Variants in SYNDIG1L observed in about 807,000 individuals in gnomAD.
The protein encoded by SYNDIG1L is synapse differentiation-inducing gene protein 1-like.
Under a neutral mutation model 20.1 loss-of-function variants are expected in SYNDIG1L, and 13 were observed. The observed-to-expected ratio is 0.65, with a 90% CI of 0.42 to 1.03. The LOEUF (loss-of-function observed/expected upper bound fraction) is 1.03, where lower values mean the gene tolerates loss of function less well. Ranked by LOEUF, SYNDIG1L falls within the 50% of genes least tolerant of loss-of-function variation. The pLI, the probability that SYNDIG1L is intolerant of heterozygous loss-of-function variation, is 0.00. For missense variants in SYNDIG1L, 294 were observed against 305.1 expected (o/e 0.96, Z 0.27); for synonymous variants, 128 against 129.3 (o/e 0.99, Z 0.07).
At chr14:74,460,169 G>A in the SYNDIG1L span, among the ~76,000 whole-genome samples, 5 of 152,162 alleles carry the variant, frequency 3.3e-5, no homozygotes, top group South Asian at 4.2e-4. Context: ...GGCAGACTCC[G>A]GATCAGCAAG....
rs1216614459 is a variant in SYNDIG1L at position 74,407,508 on chromosome 14, G to C, written c.*27C>G. The C allele has an allele frequency of 6.2e-7, 1 of 1,612,564 alleles. No homozygotes were observed. The highest frequency in any genetic ancestry group is 2.2e-5 in the East Asian group (1 of 44,882). On this transcript the variant is annotated 3_prime_UTR_variant, in exon 4 of 4. Coordinates refer to ENST00000331628, the MANE Select transcript of SYNDIG1L (RefSeq NM_001105579.2). ...CCACTGCTTCCTCAGGTGGGCAGGG[G>C]AGTCAGGATGCAGGCCCTACTGGCT...
At chr14:74,452,983 G>C in the SYNDIG1L span, among the ~76,000 whole-genome samples, 3 of 152,154 alleles carry the variant, frequency 2.0e-5, no homozygotes, top group Admixed American at 6.5e-5. Context: ...GACCAGAAAA[G>C]TGTACATACA....
chr14:74,418,065 A>G (rs1595197302), intron 1 of SYNDIG1L, among the ~76,000 whole-genome samples: 1 of 152,348 alleles, frequency 6.6e-6, no homozygotes, highest in East Asian at 1.9e-4. Context: ...ATTAAAATCC[A>G]GGGAAAAGGT....
At chr14:74,444,338 G>A in the SYNDIG1L span, among the ~76,000 whole-genome samples, 771 of 152,104 alleles carry the variant, frequency 5.1e-3, 6 homozygotes, top group South Asian at 0.029. Context: ...GAGATTACAG[G>A]CGTGAGCCAC....
chr14:74,460,137 G>T, the SYNDIG1L span, among the ~76,000 whole-genome samples: 1 of 151,914 alleles, frequency 6.6e-6, no homozygotes, highest in Non-Finnish European at 1.5e-5. Context: ...TTCCTCTCAG[G>T]CTTTAAGCTC....
the SYNDIG1L span, among the ~76,000 whole-genome samples, chr14:74,477,120 C>A: frequency 2.2e-5 from 3 of 137,688 alleles, 1 homozygote. Context: ...CCATTCCCAA[C>A]ACACACACAC....
chr14:74,409,292 C>T (rs1454782022), intron 2 of SYNDIG1L, 36 bp downstream of exon 2: 7 of 1,375,196 alleles, frequency 5.1e-6, no homozygotes, highest in African/African-American at 4.4e-5. Flanking sequence ...TTGTGTTGCT[C>T]ATGCTGGAAT....
At chr14:74,426,943 G>A (rs2086271477), upstream of SYNDIG1L, among the ~76,000 whole-genome samples, 1 of 151,770 alleles carries the variant, frequency 6.6e-6, no homozygotes, top group Non-Finnish European at 1.5e-5. Context: ...CAAAGTGAGG[G>A]GTCATATGAG....
intron 2 of SYNDIG1L, among the ~76,000 whole-genome samples, chr14:74,408,256 G>A (rs1266705907): frequency 6.6e-6 from 1 of 152,164 alleles, no homozygotes. Flanking sequence ...GATAGCAATT[G>A]TGAAAGAAGA....
intron 1 of SYNDIG1L, among the ~76,000 whole-genome samples, chr14:74,416,003 T>C (rs1474720145): frequency 6.6e-6 from 1 of 152,162 alleles, no homozygotes; most frequent in Non-Finnish European, 1.5e-5. Context: ...TTTATTCCAC[T>C]TATTTGAAAG....
intron 1 of SYNDIG1L, among the ~76,000 whole-genome samples, chr14:74,420,078 G>C (rs1326091137): frequency 1.3e-5 from 2 of 152,064 alleles, no homozygotes; most frequent in Non-Finnish European, 2.9e-5. Flanking sequence ...GAGGCTAGGA[G>C]TCCTGTTAAG....
In SYNDIG1L at chr14:74,407,638, C is replaced by T. The variant is rs371683802; in HGVS notation, c.614G>A (p.Arg205Gln). The T allele has an allele frequency of 6.0e-5, 97 of 1,613,758 alleles. 1 individual carries two copies. The South Asian group carries it at 8.7e-4, about 14-fold the overall frequency. Residue 205 changes from arginine to glutamine, a missense_variant, in exon 4 of 4, where the codon CGG (arginine) becomes CAG (glutamine). Physicochemically the swap from Arg to Gln is conservative, Grantham distance 43. Transcript: ENST00000331628. ...DFRLASTTSR[R>Q]ALFLATLAIA... is the part of the protein sequence containing the mutation. ...GGCGAGTGTGGCTAGGAAGAGGGCCCGGCGGGAGGTGGTGCTGGCCAGGCG... is the reference window on the plus strand; with the variant it reads ...GGCGAGTGTGGCTAGGAAGAGGGCCTGGCGGGAGGTGGTGCTGGCCAGGCG...
the SYNDIG1L span, among the ~76,000 whole-genome samples, chr14:74,440,798 T>C: frequency 4.6e-5 from 7 of 152,120 alleles, no homozygotes; most frequent in African/African-American, 1.7e-4. Context: ...CAAACAGCAG[T>C]GAAAGGGATA....
the SYNDIG1L span, among the ~76,000 whole-genome samples, chr14:74,475,960 A>G: frequency 6.6e-6 from 1 of 152,230 alleles, no homozygotes; most frequent in Non-Finnish European, 1.5e-5. Flanking sequence ...CAATTTGTAC[A>G]TTACACATTA....
the SYNDIG1L span, among the ~76,000 whole-genome samples, chr14:74,457,100 G>T: frequency 6.6e-6 from 1 of 152,186 alleles, no homozygotes; most frequent in African/African-American, 2.4e-5. Flanking sequence ...AGATTTGACA[G>T]CCGGGAAGGC....
the SYNDIG1L span, chr14:74,476,568 GA>G: frequency 3.4e-5 from 52 of 1,535,680 alleles, no homozygotes; most frequent in South Asian, 5.8e-4. Flanking sequence ...ATTGGGCAGT[GA>G]GCAGAGAACA....
chr14:74,458,591 C>T, the SYNDIG1L span, among the ~76,000 whole-genome samples: 1 of 144,190 alleles, frequency 6.9e-6, no homozygotes, highest in African/African-American at 2.6e-5. Flanking sequence ...CATTGCACTC[C>T]AGCCCAGGTG....
the SYNDIG1L span, among the ~76,000 whole-genome samples, chr14:74,434,930 A>AG: frequency 6.7e-6 from 1 of 149,298 alleles, no homozygotes; most frequent in African/African-American, 2.5e-5. Context: ...AAAAAAAAAA[A>AG]AAATTAGCCG....
chr14:74,437,008 G>A, the SYNDIG1L span, among the ~76,000 whole-genome samples: 5 of 152,048 alleles, frequency 3.3e-5, no homozygotes, highest in African/African-American at 7.2e-5. Flanking sequence ...CATCATACTT[G>A]TCTCTCCTTC....
Sources: gnomAD v4.1 joint callset for allele counts (sites outside exome capture counted in the v4.1 genomes callset) on GRCh38, gnomAD v4.1.1 for gene constraint, MANE v1.5 for transcripts, NCBI Gene and HGNC (gene_info 2026-07-23, HGNC 2026-07-21) for gene names.